The following PXDNL variants were observed in gnomAD, a reference collection of about 807,000 sequenced individuals.
PXDNL encodes the protein probable oxidoreductase PXDNL.
A neutral mutation model predicts 150.8 loss-of-function variants in PXDNL; 145 were observed. The observed-to-expected ratio is 0.96, with a 90% CI of 0.84 to 1.10. The LOEUF is 1.10. PXDNL is among the 50% of genes least tolerant of loss of function. The pLI, the probability that PXDNL is intolerant of heterozygous loss-of-function variation, is 0.00. For synonymous variants in PXDNL, 757 were observed against 725.7 expected (o/e 1.04, Z -0.69); for missense variants, 2,087 against 1,873.9 (o/e 1.11, Z -2.10).
At chr8:51,396,271 C>A in intron 17 of PXDNL, among the ~76,000 whole-genome samples, 1 of 152,222 alleles carries the variant, frequency 6.6e-6, no homozygotes, top group East Asian at 1.9e-4. Flanking sequence ...ACGCCAGATA[C>A]CTGGTTGCAG....
intron 21 of PXDNL, among the ~76,000 whole-genome samples, chr8:51,327,401 G>T (rs1259865212): frequency 1.3e-5 from 2 of 152,208 alleles, no homozygotes; most frequent in African/African-American, 4.8e-5. Context: ...TTCACTGGGA[G>T]CTGTACGGAA....
chr8:51,443,447 G>A (rs1809601393), intron 12 of PXDNL, among the ~76,000 whole-genome samples: 1 of 152,076 alleles, frequency 6.6e-6, no homozygotes. Flanking sequence ...CAGATGAGTG[G>A]CACCCAATCA....
chr8:51,714,610 A>G (rs1816571193), intron 1 of PXDNL, among the ~76,000 whole-genome samples: 1 of 152,236 alleles, frequency 6.6e-6, no homozygotes, highest in Non-Finnish European at 1.5e-5. Flanking sequence ...TTGAAAATCA[A>G]GAAGGTATAA....
intron 1 of PXDNL, among the ~76,000 whole-genome samples, chr8:51,745,111 C>T (rs2036968951): frequency 6.6e-6 from 1 of 152,064 alleles, no homozygotes; most frequent in African/African-American, 2.4e-5. Context: ...TATGATACAA[C>T]AAATTGTTGA....
intron 1 of PXDNL, among the ~76,000 whole-genome samples, chr8:51,797,622 G>C (rs77095397): frequency 6.6e-6 from 1 of 152,256 alleles, no homozygotes; most frequent in South Asian, 2.1e-4. Context: ...TACAAGGTAC[G>C]TGAATGACCT....
rs146311476 is a variant in PXDNL at position 51,540,743 on chromosome 8, T to G, written c.380+16097A>C. 3.7e-4 allele frequency among the ~76,000 whole-genome samples: 56 copies of G among 152,358 alleles called. 1 individual carries two copies. The highest frequency in any genetic ancestry group is 1.3e-3 in the African/African-American group (53 of 41,580). On this transcript the variant is annotated intron_variant, in intron 4 of 22. Coordinates refer to ENST00000356297, the MANE Select transcript of PXDNL (RefSeq NM_144651.5). The stretch of plus-strand genomic sequence containing the variant: ...GTTAGGTCAAGTTGGTTGATTTTGT[T>G]ATTCAGGTCTTCTTTATACTTACTT...
At chr8:51,353,497 T>A (rs1448095303) in intron 19 of PXDNL, among the ~76,000 whole-genome samples, 2 of 152,134 alleles carry the variant, frequency 1.3e-5, no homozygotes, top group Non-Finnish European at 2.9e-5. Flanking sequence ...GATAAAATAT[T>A]TATTTGGTCT....
chr8:51,464,754 A>T (rs1296690198), intron 8 of PXDNL, among the ~76,000 whole-genome samples: 1 of 152,132 alleles, frequency 6.6e-6, no homozygotes, highest in Admixed American at 6.6e-5. Context: ...GCATTAGGAG[A>T]AATACCTAAT....
intron 2 of PXDNL, among the ~76,000 whole-genome samples, chr8:51,654,350 A>G (rs1417995148): frequency 2.0e-5 from 3 of 152,208 alleles, no homozygotes; most frequent in South Asian, 4.1e-4. Flanking sequence ...TTGCAGTTAG[A>G]AAGTTGTGAA....
At chr8:51,483,964 G>A (rs941806396) in intron 5 of PXDNL, among the ~76,000 whole-genome samples, 17 of 151,924 alleles carry the variant, frequency 1.1e-4, no homozygotes, top group African/African-American at 4.1e-4. Flanking sequence ...CTTAGTTACA[G>A]ATTACAAATG....
At chr8:51,513,299 G>A (rs1811464459) in intron 4 of PXDNL, among the ~76,000 whole-genome samples, 2 of 152,198 alleles carry the variant, frequency 1.3e-5, no homozygotes, top group Admixed American at 1.3e-4. Context: ...GAAGCAGTGA[G>A]GAAAGGGAAG....
chr8:51,623,152 C>A (rs902605186), intron 2 of PXDNL, among the ~76,000 whole-genome samples: 1 of 152,142 alleles, frequency 6.6e-6, no homozygotes, highest in Non-Finnish European at 1.5e-5. Context: ...TTTCATTGTC[C>A]TCTCTCTGGC....
Position 51,320,785 on chromosome 8 carries a change from T to C in PXDNL, c.4259A>G (p.Glu1420Gly), listed in dbSNP as rs1476353545. 1 of 1,611,802 alleles carries C rather than the reference T, an allele frequency of 6.2e-7. No individual in the cohort carries two copies. The highest frequency in any genetic ancestry group is 8.5e-7 in the Non-Finnish European group (1 of 1,178,272). ...MKEDCTHCIC[E>G]SGQVTCVVEI... is the part of the protein sequence containing the mutation. ...GACTGGAAAACTCGCAGCACAAACCTCACAAATGCAGTGAGTGCAGTCTTC... is the reference window on the plus strand; with the variant it reads ...GACTGGAAAACTCGCAGCACAAACCCCACAAATGCAGTGAGTGCAGTCTTC... Residue 1420 changes from glutamate (E) to glycine (G), a missense_variant and splice_region_variant, in exon 22 of 23, where the codon GAG becomes GGG. Physicochemically the swap from Glu to Gly is moderately conservative, Grantham distance 98 (BLOSUM62 -2). Coordinates refer to ENST00000356297, the MANE Select transcript of PXDNL (RefSeq NM_144651.5).
intron 1 of PXDNL, among the ~76,000 whole-genome samples, chr8:51,736,162 G>A (rs36052716): frequency 0.53 from 81,238 of 152,028 alleles, 26,524 homozygotes; most frequent in Non-Finnish European, 0.71. Context: ...TTTATCATTC[G>A]CAAGAAACAG....
At chr8:51,477,058 GA>G (rs1810495165) in intron 6 of PXDNL, among the ~76,000 whole-genome samples, 1 of 152,152 alleles carries the variant, frequency 6.6e-6, no homozygotes, top group Non-Finnish European at 1.5e-5. Context: ...AGACAAACCT[GA>G]AAGTAAAGAA....
intron 8 of PXDNL, among the ~76,000 whole-genome samples, chr8:51,470,465 T>A (rs1248492183): frequency 6.6e-6 from 1 of 151,944 alleles, no homozygotes; most frequent in African/African-American, 2.4e-5. Flanking sequence ...CAAAAGAAAG[T>A]CAGTGAAAGT....
chr8:51,560,459 A>G (rs1436138393), intron 3 of PXDNL, among the ~76,000 whole-genome samples: 1 of 152,016 alleles, frequency 6.6e-6, no homozygotes, highest in Non-Finnish European at 1.5e-5. Flanking sequence ...GTACTGGCAT[A>G]GAAACAGATA....
chr8:51,460,195 A>T (rs1222120495), intron 8 of PXDNL, among the ~76,000 whole-genome samples: 1 of 151,236 alleles, frequency 6.6e-6, no homozygotes, highest in Non-Finnish European at 1.5e-5. Flanking sequence ...CCTGCAGTGA[A>T]CTATAATTGT....
At chr8:51,507,267 A>G (rs1179107138) in intron 4 of PXDNL, among the ~76,000 whole-genome samples, 2 of 152,242 alleles carry the variant, frequency 1.3e-5, no homozygotes, top group Non-Finnish European at 2.9e-5. Context: ...AAGGTTATAC[A>G]AAGAAAAGGA....
Sources: gnomAD v4.1 joint callset for allele counts (sites outside exome capture counted in the v4.1 genomes callset) on GRCh38, gnomAD v4.1.1 for gene constraint, MANE v1.5 for transcripts, NCBI Gene and HGNC (gene_info 2026-07-23, HGNC 2026-07-21) for gene names.